UBE2N: variants seen among roughly 807,000 people sequenced by gnomAD.
UBE2N encodes ubiquitin conjugating enzyme E2 N.
For missense variants in UBE2N, 60 were observed against 192.1 expected, an observed-to-expected ratio of 0.31 and a Z score of 4.07; for synonymous variants, 70 against 69.2, an observed-to-expected ratio of 1.01 and a Z score of -0.06.
chr12:93,430,027 T>A (rs1878712773), intron 1 of UBE2N, among the ~76,000 whole-genome samples: 1 of 152,218 alleles, frequency 6.6e-6, no homozygotes, highest in African/African-American at 2.4e-5. Flanking sequence ...TACAGTAATG[T>A]CCTAGCCCTT....
chr12:93,431,319 CT>C (rs1258494461), intron 1 of UBE2N, among the ~76,000 whole-genome samples: 1 of 152,208 alleles, frequency 6.6e-6, no homozygotes, highest in Non-Finnish European at 1.5e-5. Context: ...CATGTTTCCA[CT>C]TCATGTGTCC....
intron 1 of UBE2N, among the ~76,000 whole-genome samples, chr12:93,439,348 T>C (rs1879033229): frequency 6.6e-6 from 1 of 152,120 alleles, no homozygotes; most frequent in African/African-American, 2.4e-5. Flanking sequence ...TGTGGTGGCA[T>C]GCACCTTGCA....
chr12:93,407,545 G>A lies in UBE2N; in HGVS notation c.*2494C>T, dbSNP rs1190562351. 6.6e-6 allele frequency: 1 copy of A among 152,258 alleles called. No individual in the cohort carries two copies. The highest frequency in any genetic ancestry group is 1.5e-5 in the Non-Finnish European group (1 of 68,068). 9.4% of individuals were successfully genotyped at this position (152,258 alleles called of 1,614,324 possible). A position where few individuals can be genotyped will look rare whatever the true frequency, so the allele number is the denominator to read the frequency against. On this transcript the variant is annotated 3_prime_UTR_variant, in exon 4 of 4. Coordinates refer to ENST00000318066, the MANE Select transcript of UBE2N (RefSeq NM_003348.4). Reference sequence around the variant, plus strand: ...GGAGAGTAACTGGTGAGAAGACAATGACATGCTCTTAGGGTGTCTGCTACT... The same window carrying A: ...GGAGAGTAACTGGTGAGAAGACAATAACATGCTCTTAGGGTGTCTGCTACT...
chr12:93,433,653 T>G (rs554119009), intron 1 of UBE2N, among the ~76,000 whole-genome samples: 1 of 152,230 alleles, frequency 6.6e-6, no homozygotes, highest in African/African-American at 2.4e-5. Context: ...AAAGCAGCAC[T>G]GTATAAGATA....
intron 1 of UBE2N, among the ~76,000 whole-genome samples, chr12:93,415,854 A>G (rs1878189581): frequency 6.6e-6 from 1 of 152,226 alleles, no homozygotes; most frequent in South Asian, 2.1e-4. Flanking sequence ...AAGGCCTCCA[A>G]AAGCGTATCC....
At chr12:93,432,411 T>C (rs1229909517) in intron 1 of UBE2N, among the ~76,000 whole-genome samples, 1 of 151,902 alleles carries the variant, frequency 6.6e-6, no homozygotes, top group Non-Finnish European at 1.5e-5. Flanking sequence ...GATCGGCCTA[T>C]GTTACTAAAA....
At chr12:93,440,448 T>C (rs1879065484) in intron 1 of UBE2N, among the ~76,000 whole-genome samples, 1 of 152,250 alleles carries the variant, frequency 6.6e-6, no homozygotes, top group Non-Finnish European at 1.5e-5. Flanking sequence ...TAAGAATTTC[T>C]ACCATACAAA....
chr12:93,441,821 G>C (rs771777477), intron 1 of UBE2N, 34 bp downstream of exon 1: 1 of 1,579,962 alleles, frequency 6.3e-7, no homozygotes. Flanking sequence ...GACGAGAGCA[G>C]AGCGAAGAGC....
At chr12:93,420,431 A>T (rs1273649299) in intron 1 of UBE2N, among the ~76,000 whole-genome samples, 1 of 152,116 alleles carries the variant, frequency 6.6e-6, no homozygotes, top group Non-Finnish European at 1.5e-5. Flanking sequence ...GATACATCAG[A>T]ATGTATCTCA....
At chr12:93,411,408 A>G in intron 1 of UBE2N, 109 bp from the exon 2 acceptor site, 3 of 1,432,252 alleles carry the variant, frequency 2.1e-6, no homozygotes, top group South Asian at 3.0e-5. Context: ...GAACAGCTCC[A>G]ATCTCCCAAC....
rs1398721306 is a variant in UBE2N at position 93,406,569 on chromosome 12, G to A, written c.*3470C>T. 6.6e-6 allele frequency: 1 copy of A among 152,174 alleles called. No individual in the cohort carries two copies. The highest frequency in any genetic ancestry group is 2.4e-5 in the African/African-American group (1 of 41,412). The allele number at this position is 152,174 out of a possible 1,614,324, so 9.4% of individuals were successfully genotyped here. Reference sequence around the variant, plus strand: ...TATAGTTGGCCCTCCATATCCATGGGTTCCACTTCCGTGGATTCAAACAAC... The same window carrying A: ...TATAGTTGGCCCTCCATATCCATGGATTCCACTTCCGTGGATTCAAACAAC... On this transcript the variant is annotated 3_prime_UTR_variant, in exon 4 of 4. Transcript: ENST00000318066.
intron 1 of UBE2N, among the ~76,000 whole-genome samples, chr12:93,427,872 T>C (rs1878643166): frequency 6.6e-6 from 1 of 152,232 alleles, no homozygotes; most frequent in African/African-American, 2.4e-5. Context: ...AATAAATATC[T>C]ATTACTTGAC....
Position 93,441,908 on chromosome 12 carries a change from T to C in UBE2N, c.-24A>G. ...ATCTTGTCAGAACCCGAGTTCGGCC[T>C]CTGGTCTCGTCTCCGGCTCCTCTCG... On this transcript the variant is annotated 5_prime_UTR_variant, in exon 1 of 4. Transcript: ENST00000318066. The C allele has an allele frequency of 6.4e-7, 1 of 1,569,050 alleles. No homozygotes were observed. The highest frequency in any genetic ancestry group is 8.6e-7 in the Non-Finnish European group (1 of 1,160,252).
intron 1 of UBE2N, among the ~76,000 whole-genome samples, chr12:93,423,244 G>A (rs762058176): frequency 5.3e-5 from 8 of 152,222 alleles, no homozygotes; most frequent in East Asian, 1.9e-4. Context: ...CCTGAAGAAT[G>A]TGTGAGGTAA....
chr12:93,428,412 A>C (rs1878656004), intron 1 of UBE2N, among the ~76,000 whole-genome samples: 1 of 152,148 alleles, frequency 6.6e-6, no homozygotes, highest in South Asian at 2.1e-4. Context: ...TTTTCTACTT[A>C]TGCTTCAAAA....
intron 1 of UBE2N, among the ~76,000 whole-genome samples, chr12:93,424,900 G>C (rs542016002): frequency 1.3e-5 from 2 of 152,308 alleles, no homozygotes; most frequent in East Asian, 3.9e-4. Context: ...CCTCACTTCA[G>C]AGAGTTATAT....
chr12:93,427,976 C>T (rs1878645994), intron 1 of UBE2N, among the ~76,000 whole-genome samples: 1 of 152,126 alleles, frequency 6.6e-6, no homozygotes, highest in African/African-American at 2.4e-5. Flanking sequence ...AGTATAGTGA[C>T]ACAATCTTGG....
intron 1 of UBE2N, among the ~76,000 whole-genome samples, chr12:93,434,930 G>A (rs191848945): frequency 6.6e-6 from 1 of 151,024 alleles, no homozygotes; most frequent in African/African-American, 2.5e-5. Flanking sequence ...AAGAGACAGG[G>A]TCTTGCCTCT....
At chr12:93,412,890 T>C (rs1157486700) in intron 1 of UBE2N, among the ~76,000 whole-genome samples, 1 of 152,234 alleles carries the variant, frequency 6.6e-6, no homozygotes, top group African/African-American at 2.4e-5. Context: ...GCTAAGAACA[T>C]AAAGTATATT....
Sources: allele counts gnomAD v4.1 joint callset (sites outside exome capture counted in the v4.1 genomes callset), GRCh38; gene constraint gnomAD v4.1.1; transcripts MANE v1.5; gene names NCBI Gene and HGNC (gene_info 2026-07-23, HGNC 2026-07-21).